The following PHTF2 variants were observed in gnomAD, a reference collection of about 807,000 sequenced individuals.
PHTF2 encodes the protein putative homeodomain transcription factor 2.
Under a neutral mutation model 101.2 loss-of-function variants are expected in PHTF2, and 60 were observed. That is an observed-to-expected ratio of 0.59 (90% CI 0.48 to 0.73). The LOEUF (loss-of-function observed/expected upper bound fraction) is 0.73, where lower values mean the gene tolerates loss of function less well. Ranked by LOEUF, PHTF2 falls within the 30% of genes least tolerant of loss-of-function variation. The pLI is 0.00. For missense variants in PHTF2, 747 were observed against 908.7 expected (o/e 0.82, Z 2.29); for synonymous variants, 311 against 307.3 (o/e 1.01, Z -0.13).
chr7:77,815,414 A>G lies in PHTF2; in HGVS notation c.-36+16443A>G, dbSNP rs1584374843. Among the ~76,000 whole-genome samples, 3 of 152,360 alleles carry G rather than the reference A, an allele frequency of 2.0e-5. 1 individual carries two copies. The highest frequency in any genetic ancestry group is 1.5e-5 in the Non-Finnish European group (1 of 68,040). ...TAATTCCATCATATTTATGATGGTA[A>G]GAATTCCAGTTTACTGAAGCTATAA... On this transcript the variant is annotated intron_variant, in intron 1 of 19. Transcript: ENST00000416283.
chr7:77,954,863 G>T, exon 20 of PHTF2: 1 of 1,513,058 alleles, frequency 6.6e-7, no homozygotes, highest in African/African-American at 1.4e-5. Flanking sequence ...TCTAGCTATG[G>T]AAGATTAAGT....
chr7:77,956,267 A>G (rs1197567892), exon 20 of PHTF2: 2 of 152,528 alleles, frequency 1.3e-5, no homozygotes, highest in African/African-American at 4.8e-5. Flanking sequence ...ATATTTTAAG[A>G]ACTTTAAGAC....
At chr7:77,840,819 G>A (rs1029780357) in intron 2 of PHTF2, among the ~76,000 whole-genome samples, 25 of 151,986 alleles carry the variant, frequency 1.6e-4, no homozygotes, top group African/African-American at 6.0e-4. Context: ...CTTTACCAAT[G>A]TAATGTTTTT....
intron 3 of PHTF2, among the ~76,000 whole-genome samples, chr7:77,870,356 T>G (rs1383121768): frequency 1.3e-5 from 2 of 151,812 alleles, no homozygotes; most frequent in Non-Finnish European, 2.9e-5. Flanking sequence ...TATCACAAGG[T>G]CTCACAATAG....
chr7:77,841,075 C>CTATTTTTTTTTTTTTTT (rs1795832088), intron 2 of PHTF2, among the ~76,000 whole-genome samples: 1 of 77,286 alleles, frequency 1.3e-5, no homozygotes, highest in Non-Finnish European at 2.3e-5. Flanking sequence ...AAAAAACAGA[C>CTATTTTTTTTTTTTTTT]TTTTTTTTTT....
chr7:77,902,062 A>T, intron 7 of PHTF2, 142 bp downstream of exon 6: 1 of 422,862 alleles, frequency 2.4e-6, no homozygotes, highest in Non-Finnish European at 4.1e-6. Context: ...ATTTGGTATT[A>T]AAAATATTTG....
At chr7:77,940,386 A>G in intron 14 of PHTF2, 84 bp downstream of exon 13, 10 of 1,326,728 alleles carry the variant, frequency 7.5e-6, no homozygotes, top group Non-Finnish European at 9.3e-6. Flanking sequence ...TTATTATTTC[A>G]TTATATCATT....
exon 20 of PHTF2, chr7:77,956,488 A>T (rs1283368308): frequency 6.6e-6 from 1 of 152,534 alleles, no homozygotes; most frequent in Non-Finnish European, 1.5e-5. Context: ...CCTATGTTCA[A>T]ATATGTTTAA....
At chr7:77,902,076 AAAC>A (rs140608263) in intron 7 of PHTF2, among the ~76,000 whole-genome samples, 156 bp downstream of exon 6, 11,438 of 152,240 alleles carry the variant, frequency 0.075, 528 homozygotes, top group South Asian at 0.19. Context: ...ATATTTGAGA[AAAC>A]AAAGCAGTTA....
intron 17 of PHTF2, among the ~76,000 whole-genome samples, chr7:77,951,311 T>C (rs566492642): frequency 6.6e-6 from 1 of 152,278 alleles, no homozygotes; most frequent in South Asian, 2.1e-4. Context: ...AAACTATTGG[T>C]TTAGTTTATT....
chr7:77,803,604 G>A (rs1182435908), intron 1 of PHTF2, among the ~76,000 whole-genome samples: 2 of 152,018 alleles, frequency 1.3e-5, no homozygotes, highest in Admixed American at 6.6e-5. Flanking sequence ...ATGAGATAAT[G>A]TATGTAAAGC....
intron 13 of PHTF2, 192 bp downstream of exon 12, chr7:77,938,030 G>T: frequency 4.0e-6 from 1 of 251,762 alleles, no homozygotes. Flanking sequence ...TCATCTTCTA[G>T]TGTTTTCACT....
chr7:77,851,284 CTTA>C (rs1796740129), intron 2 of PHTF2, among the ~76,000 whole-genome samples: 1 of 152,108 alleles, frequency 6.6e-6, no homozygotes, highest in Admixed American at 6.6e-5. Context: ...GATCTCATTA[CTTA>C]TTATTGGTCT....
At chr7:77,803,128 G>A (rs76466509) in intron 1 of PHTF2, among the ~76,000 whole-genome samples, 2,985 of 152,284 alleles carry the variant, frequency 0.02, 82 homozygotes, top group African/African-American at 0.067. Flanking sequence ...CACTAGGAAT[G>A]AAAATATGCT....
intron 3 of PHTF2, among the ~76,000 whole-genome samples, chr7:77,873,269 A>T (rs147896647): frequency 7.2e-5 from 11 of 152,272 alleles, no homozygotes; most frequent in African/African-American, 2.6e-4. Context: ...TTAAATGCAG[A>T]GTCCCTACTT....
At chr7:77,876,796 C>T (rs937102913) in intron 3 of PHTF2, among the ~76,000 whole-genome samples, 4 of 152,160 alleles carry the variant, frequency 2.6e-5, no homozygotes, top group African/African-American at 7.2e-5. Flanking sequence ...GTTGCAGCTA[C>T]GCAGGAGGCT....
intron 1 of PHTF2, among the ~76,000 whole-genome samples, chr7:77,828,916 A>G (rs1400980469): frequency 1.3e-5 from 2 of 152,248 alleles, no homozygotes; most frequent in East Asian, 3.9e-4. Flanking sequence ...ACTCACACCT[A>G]TAATCCTAGT....
At chr7:77,826,268 C>T (rs1584410960) in intron 1 of PHTF2, among the ~76,000 whole-genome samples, 1 of 152,140 alleles carries the variant, frequency 6.6e-6, no homozygotes, top group Non-Finnish European at 1.5e-5. Context: ...TTGTCAATTC[C>T]AGAAGACAAT....
chr7:77,925,518 T>TTTTTTTTTTTTTTTTTTTGTTTTG (rs1803897407), intron 11 of PHTF2, among the ~76,000 whole-genome samples: 1 of 133,346 alleles, frequency 7.5e-6, no homozygotes, highest in African/African-American at 3.0e-5. Flanking sequence ...TTTTTTTTTT[T>TTTTTTTTTTTTTTTTTTTGTTTTG]TTTTTTTTGA....
Sources: gnomAD v4.1 joint callset for allele counts (sites outside exome capture counted in the v4.1 genomes callset) on GRCh38, gnomAD v4.1.1 for gene constraint, MANE v1.5 for transcripts, NCBI Gene and HGNC (gene_info 2026-07-23, HGNC 2026-07-21) for gene names.